Variants in ARHGAP35 observed in about 807,000 individuals in gnomAD.
ARHGAP35 encodes the protein Rho GTPase activating protein 35, also known as rho GTPase-activating protein 35.
Under a neutral mutation model 111.1 loss-of-function variants are expected in ARHGAP35, and 15 were observed. The ratio of observed to expected loss-of-function variants is 0.13; its 90% CI spans 0.09 to 0.21. The LOEUF is 0.21. ARHGAP35 is among the 10% of genes least tolerant of loss of function. The pLI is 1.00. For synonymous variants in ARHGAP35, 643 were observed against 710.3 expected (o/e 0.91, Z 1.51); for missense variants, 1,262 against 1,873.0 (o/e 0.67, Z 6.02).
chr19:46,878,111 C>T (rs1380168675), intron 1 of ARHGAP35, among the ~76,000 whole-genome samples: 2 of 152,092 alleles, frequency 1.3e-5, no homozygotes, highest in African/African-American at 2.4e-5. Context: ...GCACCTTCCA[C>T]CTCCCAGATT....
At chr19:46,984,096 A>T (rs572448914) in intron 3 of ARHGAP35, among the ~76,000 whole-genome samples, 5 of 152,238 alleles carry the variant, frequency 3.3e-5, no homozygotes, top group Admixed American at 1.3e-4. Context: ...GAGGGCTTTT[A>T]AAAAAGAAGG....
In ARHGAP35 at chr19:46,922,829, GCA is replaced by G. The variant is rs1039958073; in HGVS notation, c.3681+480_3681+481del. The stretch of plus-strand genomic sequence containing the variant: ...TTGGTGAAGGATTGGATGATGATTT[GCA>G]CACACAAATCAGTGACGAGTCTTTG... On this transcript the variant is annotated intron_variant, in intron 2 of 6. Coordinates refer to ENST00000672722, the MANE Select transcript of ARHGAP35 (RefSeq NM_004491.5). This position sits in a 1 kb window ranked among gnomAD's most constrained non-coding sequence, Gnocchi z 4.0. Among the ~76,000 whole-genome samples, 3 of 152,148 alleles carry G rather than the reference GCA, an allele frequency of 2.0e-5. No individual in the cohort carries two copies. Among genetic ancestry groups the G allele is most frequent in the Admixed American group, 1.3e-4 (2 of 15,272 alleles).
rs1485779148 is a variant in ARHGAP35 at position 46,951,077 on chromosome 19, C to T, written c.3826+13669C>T. ...TCATTTGCAGGTCAGAGGTTACCCTCAGCTCCTCAGCTGCAAATGGAAGCC... is the reference window on the plus strand; with the variant it reads ...TCATTTGCAGGTCAGAGGTTACCCTTAGCTCCTCAGCTGCAAATGGAAGCC... On this transcript the variant is annotated intron_variant, in intron 3 of 6. Transcript: ENST00000672722. 2.0e-5 allele frequency among the ~76,000 whole-genome samples: 3 copies of T among 152,258 alleles called. No homozygotes were observed. The East Asian group carries it at 5.8e-4, about 29-fold the overall frequency.
At chr19:46,873,771 G>A (rs1163227051) in intron 1 of ARHGAP35, among the ~76,000 whole-genome samples, 4 of 150,974 alleles carry the variant, frequency 2.6e-5, no homozygotes, top group African/African-American at 7.3e-5. Context: ...TTTTTGAGAC[G>A]GAGTTTTGCC....
At position 47,001,242 on chromosome 19, in the gene ARHGAP35, C is replaced by G; in HGVS notation, c.*554C>G. The G allele has an allele frequency of 7.8e-7, 1 of 1,285,276 alleles. No homozygotes were observed. Among genetic ancestry groups the G allele is most frequent in the Non-Finnish European group, 1.0e-6 (1 of 987,564 alleles). 79.6% of individuals were successfully genotyped at this position (1,285,276 alleles called of 1,614,324 possible). A position where few individuals can be genotyped will look rare whatever the true frequency, so the allele number is the denominator to read the frequency against. On this transcript the variant is annotated 3_prime_UTR_variant, in exon 7 of 7. Coordinates refer to ENST00000672722, the MANE Select transcript of ARHGAP35 (RefSeq NM_004491.5). The surrounding 1 kb of genome is among the most constrained non-coding windows in gnomAD (Gnocchi z 5.4). Reference sequence around the variant, plus strand: ...CACCACTAGGTACCTGCTGAGGGCGCTGGCTCTGCAGATCAGAACAACGGA... The same window carrying G: ...CACCACTAGGTACCTGCTGAGGGCGGTGGCTCTGCAGATCAGAACAACGGA...
rs150006970 is a variant in ARHGAP35 at position 46,929,427 on chromosome 19, A to G, written c.3681+7071A>G. Among the ~76,000 whole-genome samples the G allele has an allele frequency of 2.0e-4, 31 of 152,196 alleles. No homozygotes were observed. The East Asian group carries it at 4.6e-3, about 23-fold the overall frequency. On this transcript the variant is annotated intron_variant, in intron 2 of 6. Coordinates refer to ENST00000672722, the MANE Select transcript of ARHGAP35 (RefSeq NM_004491.5). ...ACTTATGGAATCTTTCCGATTTTCT[A>G]AGACTCTACCAGTTACAGTTAGTCC...
chr19:46,881,093 T>G (rs1347272126), intron 1 of ARHGAP35, among the ~76,000 whole-genome samples: 1 of 151,956 alleles, frequency 6.6e-6, no homozygotes, highest in Non-Finnish European at 1.5e-5. Context: ...TACAGGCGCA[T>G]GCCACCACAC....
intron 3 of ARHGAP35, among the ~76,000 whole-genome samples, chr19:46,958,292 G>C (rs569063134): frequency 1.5e-4 from 23 of 151,666 alleles, no homozygotes; most frequent in Middle Eastern, 3.4e-3. Context: ...GCTGAGGCAG[G>C]AGAATGGCGT....
At position 46,989,741 on chromosome 19, in the gene ARHGAP35, TC is replaced by T. The variant is rs779697551; in HGVS notation, c.4036+68del. The T allele has an allele frequency of 4.0e-5, 64 of 1,602,124 alleles. No homozygotes were observed. Among genetic ancestry groups the T allele is most frequent in the Non-Finnish European group, 5.4e-5 (63 of 1,174,170 alleles). ...AAGGGCTTGGCACTGGAAGAATAGG[TC>T]CTGCCCTCAGAATGGATGCTGGCTG... On this transcript the variant is annotated intron_variant, in intron 5 of 6. Coordinates refer to ENST00000672722, the MANE Select transcript of ARHGAP35 (RefSeq NM_004491.5). The surrounding 1 kb of genome is among the most constrained non-coding windows in gnomAD (Gnocchi z 5.3).
chr19:46,914,005 C>T (rs796698345), intron 1 of ARHGAP35, among the ~76,000 whole-genome samples: 5 of 152,204 alleles, frequency 3.3e-5, no homozygotes, highest in African/African-American at 1.2e-4. Context: ...TTTTTACCCA[C>T]CTCTTAGAAC....
rs2056192124 is a variant in ARHGAP35 at position 46,920,496 on chromosome 19, C to T, written c.1821C>T (p.Gly607=). 6.2e-7 allele frequency: 1 copy of T among 1,613,980 alleles called. No homozygotes were observed. The highest frequency in any genetic ancestry group is 1.6e-4 in the Middle Eastern group (1 of 6,062). ...RINLVILGKD[G]LARELANEIR... is the part of the protein sequence containing the mutation. ...ACTTGGTTATATTGGGCAAAGACGG[C>T]CTTGCCCGAGAGTTGGCCAATGAGA... The change falls in exon 2 of 7, where the codon GGC becomes GGT. Residue 607 remains glycine, a synonymous_variant. Transcript: ENST00000672722. This position sits in a 1 kb window ranked among gnomAD's most constrained non-coding sequence, Gnocchi z 7.0.
At chr19:46,879,432 C>A (rs1278032432) in intron 1 of ARHGAP35, among the ~76,000 whole-genome samples, 2 of 142,466 alleles carry the variant, frequency 1.4e-5, no homozygotes, top group African/African-American at 2.6e-5. Flanking sequence ...ACTAAAAATA[C>A]AAAAATTAGC....
Position 47,000,919 on chromosome 19 carries a change from A to G in ARHGAP35, c.*231A>G. ...CTGGCTTGGACCCATTTGAGGACTG[A>G]ACTAGGCAGGCAATGGCTCCAGTGC... On this transcript the variant is annotated 3_prime_UTR_variant, in exon 7 of 7. Coordinates refer to ENST00000672722, the MANE Select transcript of ARHGAP35 (RefSeq NM_004491.5). The surrounding 1 kb of genome is among the most constrained non-coding windows in gnomAD (Gnocchi z 6.9). 1 of 1,530,004 alleles carries G rather than the reference A, an allele frequency of 6.5e-7. No individual in the cohort carries two copies. Among genetic ancestry groups the G allele is most frequent in the Non-Finnish European group, 8.7e-7 (1 of 1,143,520 alleles). The allele number at this position is 1,530,004 out of a possible 1,614,324, so 94.8% of individuals were successfully genotyped here.
chr19:46,915,479 A>C (rs1395767639), intron 1 of ARHGAP35, among the ~76,000 whole-genome samples: 2 of 152,042 alleles, frequency 1.3e-5, no homozygotes, highest in African/African-American at 4.8e-5. Context: ...AAGGTCTGTG[A>C]CCTTTTGAGG....
Position 47,003,711 on chromosome 19 carries a change from G to C in ARHGAP35, c.*3023G>C, listed in dbSNP as rs959925759. 6.6e-6 allele frequency: 1 copy of C among 152,206 alleles called. No individual in the cohort carries two copies. The highest frequency in any genetic ancestry group is 2.4e-5 in the African/African-American group (1 of 41,432). The allele number at this position is 152,206 out of a possible 1,614,324, so 9.4% of individuals were successfully genotyped here. A position where few individuals can be genotyped will look rare whatever the true frequency, so the allele number is the denominator to read the frequency against. ...GCTTCCTGCTGGAGGCAGGGCACCT[G>C]CTGCGACCCAGATTCTTCTGCAGGA... On this transcript the variant is annotated 3_prime_UTR_variant, in exon 7 of 7. Transcript: ENST00000672722.
intron 3 of ARHGAP35, among the ~76,000 whole-genome samples, chr19:46,960,791 A>G (rs552357090): frequency 1.3e-5 from 2 of 151,974 alleles, no homozygotes; most frequent in Non-Finnish European, 2.9e-5. Context: ...GTGCTGTTCT[A>G]TGCTTTGCTT....
At chr19:46,958,490 A>T (rs1314564305) in intron 3 of ARHGAP35, among the ~76,000 whole-genome samples, 1 of 152,090 alleles carries the variant, frequency 6.6e-6, no homozygotes, top group African/African-American at 2.4e-5. Context: ...GAAAACTACT[A>T]TGGGAGGAGG....
At chr19:46,978,462 G>A (rs910588450) in intron 3 of ARHGAP35, among the ~76,000 whole-genome samples, 2 of 151,812 alleles carry the variant, frequency 1.3e-5, no homozygotes, top group Admixed American at 1.3e-4. Context: ...TGTGTGTAGT[G>A]GGGTCTGTGT....
At chr19:46,911,428 A>G (rs1052470453) in intron 1 of ARHGAP35, among the ~76,000 whole-genome samples, 1 of 152,198 alleles carries the variant, frequency 6.6e-6, no homozygotes, top group South Asian at 2.1e-4. Context: ...TTTCTTTGCT[A>G]TGTGAGTATG....
Sources: gnomAD v4.1 joint callset for allele counts (sites outside exome capture counted in the v4.1 genomes callset) on GRCh38, gnomAD v4.1.1 for gene constraint, Gnocchi (gnomAD v3.1) non-coding constraint, MANE v1.5 for transcripts, NCBI Gene and HGNC (gene_info 2026-07-23, HGNC 2026-07-21) for gene names.